The following MET variants were observed in gnomAD, a reference collection of about 807,000 sequenced individuals.
MET encodes MET proto-oncogene, receptor tyrosine kinase.
In MET, 48 loss-of-function variants were observed where a neutral mutation model predicts 133.1. The ratio of observed to expected loss-of-function variants is 0.36; its 90% CI spans 0.29 to 0.46. The LOEUF (loss-of-function observed/expected upper bound fraction) is 0.46, where lower values mean the gene tolerates loss of function less well. MET is among the 20% of genes least tolerant of loss of function. The probability of loss-of-function intolerance (pLI) is 1.00; values close to 1 mark genes in which losing one functional copy is unlikely to be tolerated. For missense variants in MET, 1,442 were observed against 1,695.9 expected, an observed-to-expected ratio of 0.85 and a Z score of 2.63; for synonymous variants, 628 against 616.5, an observed-to-expected ratio of 1.02 and a Z score of -0.28.
chr7:116,706,732 A>G (rs1294420483), intron 2 of MET, among the ~76,000 whole-genome samples: 3 of 151,972 alleles, frequency 2.0e-5, no homozygotes, highest in Admixed American at 6.6e-5. Flanking sequence ...ACAGACACTG[A>G]TTCAGTGGGC....
At chr7:116,768,717 T>C (rs559301972) in intron 11 of MET, among the ~76,000 whole-genome samples, 1 of 152,302 alleles carries the variant, frequency 6.6e-6, no homozygotes, top group South Asian at 2.1e-4. Context: ...CTGCTCTTTG[T>C]TAGTAAGAAG....
intron 19 of MET, among the ~76,000 whole-genome samples, chr7:116,791,668 AT>A (rs1370891482): frequency 1.3e-5 from 2 of 150,774 alleles, no homozygotes; most frequent in Non-Finnish European, 3.0e-5. Context: ...TTGCCAATGC[AT>A]TTTTTTTTCT....
chr7:116,793,926 CAT>C (rs1795595147), intron 19 of MET, among the ~76,000 whole-genome samples: 1 of 151,696 alleles, frequency 6.6e-6, no homozygotes, highest in Non-Finnish European at 1.5e-5. Context: ...AGAAAGAACA[CAT>C]GTGTACTGTT....
At chr7:116,737,415 A>C (rs1431616521) in intron 3 of MET, among the ~76,000 whole-genome samples, 1 of 152,214 alleles carries the variant, frequency 6.6e-6, no homozygotes, top group African/African-American at 2.4e-5. Flanking sequence ...TTTACTCACG[A>C]GTGGCTCTTG....
chr7:116,751,337 C>G (rs879123272), intron 5 of MET, among the ~76,000 whole-genome samples: 1 of 152,130 alleles, frequency 6.6e-6, no homozygotes, highest in Non-Finnish European at 1.5e-5. Flanking sequence ...AAACCAGACA[C>G]TGCATGTTCT....
intron 1 of MET, among the ~76,000 whole-genome samples, chr7:116,692,671 C>A (rs1796814896): frequency 6.6e-6 from 1 of 152,280 alleles, no homozygotes; most frequent in East Asian, 1.9e-4. Flanking sequence ...TAACAGCCAT[C>A]TTCTTTAAAG....
intron 14 of MET, among the ~76,000 whole-genome samples, chr7:116,773,647 C>T (rs901505996): frequency 1.3e-5 from 2 of 152,214 alleles, no homozygotes; most frequent in Non-Finnish European, 1.5e-5. Context: ...CTCCTTCCTT[C>T]CTCACTCACC....
At chr7:116,778,528 A>G (rs1426051548) in intron 16 of MET, among the ~76,000 whole-genome samples, 1 of 152,184 alleles carries the variant, frequency 6.6e-6, no homozygotes, top group East Asian at 1.9e-4. Context: ...CACTAAGTTT[A>G]TAGGAGACAA....
In MET at chr7:116,731,838, A is replaced by G. The variant is rs201632219; in HGVS notation, c.1371A>G (p.Thr457=). 8 of 1,614,128 alleles carry G rather than the reference A, an allele frequency of 5.0e-6. No individual in the cohort carries two copies. The highest frequency in any genetic ancestry group is 6.8e-6 in the Non-Finnish European group (8 of 1,179,958). Residue 457 remains threonine (T), a synonymous_variant, in exon 3 of 21, where the codon ACA becomes ACG. Coordinates refer to ENST00000397752, the MANE Select transcript of MET (RefSeq NM_000245.4). ...ACCTCACCATAGCTAATCTTGGGAC[A>G]TCAGAGGGTCGCTTCATGCAGGTAA... ...KGDLTIANLG[T]SEGRFMQVVV...
At chr7:116,760,278 C>A (rs1412665799) in intron 10 of MET, among the ~76,000 whole-genome samples, 1 of 152,074 alleles carries the variant, frequency 6.6e-6, no homozygotes, top group East Asian at 1.9e-4. Context: ...TATCATTCTT[C>A]TTGTCCCTTT....
At chr7:116,697,736 A>G (rs1797013137) in intron 1 of MET, among the ~76,000 whole-genome samples, 1 of 152,190 alleles carries the variant, frequency 6.6e-6, no homozygotes, top group Non-Finnish European at 1.5e-5. Context: ...ACCTCACAAC[A>G]TGGTGAACTT....
At chr7:116,764,349 A>G (rs901022467) in intron 11 of MET, among the ~76,000 whole-genome samples, 8 of 152,076 alleles carry the variant, frequency 5.3e-5, no homozygotes, top group Non-Finnish European at 1.2e-4. Flanking sequence ...CTGCTTCTTT[A>G]ATTAGTTTTA....
At chr7:116,713,766 C>T (rs891471383) in intron 2 of MET, among the ~76,000 whole-genome samples, 3 of 152,246 alleles carry the variant, frequency 2.0e-5, no homozygotes, top group South Asian at 2.1e-4. Context: ...TGGGCTTGAA[C>T]GATATATTGG....
intron 2 of MET, among the ~76,000 whole-genome samples, chr7:116,711,848 C>G (rs1792013138): frequency 6.6e-6 from 1 of 152,110 alleles, no homozygotes; most frequent in African/African-American, 2.4e-5. Context: ...TTTCCTGGTC[C>G]TCCTTCACGC....
At chr7:116,741,067 G>GTTTTTTTTTTTTT in intron 5 of MET, 42 bp downstream of exon 5, 1 of 1,348,756 alleles carries the variant, frequency 7.4e-7, no homozygotes, top group South Asian at 1.3e-5. Context: ...TTTGTTTGGT[G>GTTTTTTTTTTTTT]TTTTTTTTTT....
At chr7:116,764,411 T>A (rs1794533550) in intron 11 of MET, among the ~76,000 whole-genome samples, 1 of 152,056 alleles carries the variant, frequency 6.6e-6, no homozygotes, top group South Asian at 2.1e-4. Context: ...AAAACTAATC[T>A]AGTGTGACCT....
chr7:116,792,956 T>G (rs1795554991), intron 19 of MET, among the ~76,000 whole-genome samples: 1 of 152,208 alleles, frequency 6.6e-6, no homozygotes, highest in South Asian at 2.1e-4. Flanking sequence ...ACAAATACAC[T>G]CTTTCACTAC....
intron 19 of MET, among the ~76,000 whole-genome samples, chr7:116,793,191 T>TG (rs1795567281): frequency 6.6e-6 from 1 of 151,922 alleles, no homozygotes; most frequent in Non-Finnish European, 1.5e-5. Context: ...TTTTTTTTTT[T>TG]TGAGACGGAG....
intron 15 of MET, among the ~76,000 whole-genome samples, 158 bp from the exon 16 acceptor site, chr7:116,777,231 A>G (rs1220413698): frequency 1.3e-5 from 2 of 152,208 alleles, no homozygotes; most frequent in Non-Finnish European, 2.9e-5. Context: ...AAACACACCT[A>G]CGTACCTATA....
Sources: gnomAD v4.1 joint callset for allele counts (sites outside exome capture counted in the v4.1 genomes callset) on GRCh38, gnomAD v4.1.1 for gene constraint, MANE v1.5 for transcripts, NCBI Gene and HGNC (gene_info 2026-07-23, HGNC 2026-07-21) for gene names.